INPP5K: variants seen among roughly 807,000 people sequenced by gnomAD.
The protein encoded by INPP5K is inositol polyphosphate 5-phosphatase K.
Under a neutral mutation model 53.5 loss-of-function variants are expected in INPP5K, and 35 were observed. The ratio of observed to expected loss-of-function variants is 0.65; its 90% CI spans 0.50 to 0.87. The LOEUF is 0.87. Ranked by LOEUF, INPP5K falls within the 40% of genes least tolerant of loss-of-function variation. The probability of loss-of-function intolerance (pLI) is 0.00; values close to 1 mark genes in which losing one functional copy is unlikely to be tolerated. For synonymous variants in INPP5K, 253 were observed against 232.8 expected, an observed-to-expected ratio of 1.09 and a Z score of -0.79; for missense variants, 550 against 586.2, an observed-to-expected ratio of 0.94 and a Z score of 0.64.
At chr17:1,515,838 G>T in intron 1 of INPP5K, 1 of 892,584 alleles carries the variant, frequency 1.1e-6, no homozygotes, top group Non-Finnish European at 1.3e-6. Context: ...TCCGACAGAG[G>T]CTTAAGGAAC....
At chr17:1,502,137 C>G (rs2075034855) in intron 7 of INPP5K, among the ~76,000 whole-genome samples, 1 of 151,906 alleles carries the variant, frequency 6.6e-6, no homozygotes, top group African/African-American at 2.4e-5. Context: ...ATCATGAGGT[C>G]AGGACATGGA....
chr17:1,504,788 C>T (rs1046693213), intron 7 of INPP5K, among the ~76,000 whole-genome samples: 2 of 152,218 alleles, frequency 1.3e-5, no homozygotes, highest in African/African-American at 4.8e-5. Context: ...AGGTGCGTGC[C>T]TCCTCCTTAG....
chr17:1,512,602 G>A (rs1043774985), intron 3 of INPP5K, among the ~76,000 whole-genome samples: 1 of 152,164 alleles, frequency 6.6e-6, no homozygotes, highest in African/African-American at 2.4e-5. Flanking sequence ...TGCTGTGAAT[G>A]GGAGTGTGTT....
At chr17:1,516,227 C>T in intron 1 of INPP5K, 2 of 892,136 alleles carry the variant, frequency 2.2e-6, no homozygotes, top group Non-Finnish European at 1.6e-6. Context: ...AGAAAGCAAC[C>T]GGGACACCTG....
intron 9 of INPP5K, 105 bp from the exon 10 acceptor site, chr17:1,496,507 T>C: frequency 1.5e-6 from 2 of 1,317,388 alleles, no homozygotes; most frequent in Non-Finnish European, 2.1e-6. Context: ...CCGTACTGTG[T>C]GCCTCCCCGC....
chr17:1,502,288 G>A (rs1221630906), intron 7 of INPP5K, among the ~76,000 whole-genome samples: 1 of 152,188 alleles, frequency 6.6e-6, no homozygotes, highest in Non-Finnish European at 1.5e-5. Flanking sequence ...GACAGAGCTT[G>A]TAGTGAGTGG....
At chr17:1,515,731 C>T in intron 1 of INPP5K, 1 of 613,284 alleles carries the variant, frequency 1.6e-6, no homozygotes, top group Non-Finnish European at 2.0e-6. Context: ...ACTTCCTGTC[C>T]CTCCCTGTTA....
At chr17:1,497,837 T>C (rs1184567755) in intron 8 of INPP5K, 99 bp downstream of exon 8, 5 of 1,120,232 alleles carry the variant, frequency 4.5e-6, no homozygotes, top group Non-Finnish European at 6.6e-6. Flanking sequence ...AGGTCTCCCC[T>C]GGGGGACTGG....
chr17:1,499,188 A>G (rs954669305), intron 7 of INPP5K, among the ~76,000 whole-genome samples: 1 of 152,224 alleles, frequency 6.6e-6, no homozygotes, highest in African/African-American at 2.4e-5. Context: ...CGAGCTCGCC[A>G]TGCACACTGG....
Position 1,508,060 on chromosome 17 carries a change from A to G in INPP5K, c.666+55T>C, listed in dbSNP as rs536504602. 35 of 1,222,536 alleles carry G rather than the reference A, an allele frequency of 2.9e-5. 1 individual carries two copies. In the East Asian group the frequency reaches 7.7e-4, roughly 27 times the overall value. The allele number at this position is 1,222,536 out of a possible 1,614,324, so 75.7% of individuals were successfully genotyped here. On this transcript the variant is annotated intron_variant, in intron 6 of 11. Transcript: ENST00000421807. ...TCTAGCAACACTCTGCACAGCTCAC[A>G]TGGCCCCCACCGTGGGCTCAGATCA...
At position 1,509,316 on chromosome 17, in the gene INPP5K, T is replaced by C. The variant is rs1174400863; in HGVS notation, c.416A>G (p.Tyr139Cys). 3.1e-6 allele frequency: 5 copies of C among 1,614,082 alleles called. No homozygotes were observed. The highest frequency in any genetic ancestry group is 4.2e-6 in the Non-Finnish European group (5 of 1,179,990). The change falls in exon 5 of 12, where the codon TAT (tyrosine) becomes TGT (cysteine). Residue 139 changes from tyrosine (Y) to cysteine (C), a missense_variant. Transcript: ENST00000421807. Reference sequence around the variant, plus strand: ...GTTGATGATGCTGACATAGTAGCCATAAAGCTTCAGGCAGATGTTGACTCC... The same window carrying C: ...GTTGATGATGCTGACATAGTAGCCACAAAGCTTCAGGCAGATGTTGACTCC... ...KGGVNICLKL[Y>C]GYYVSIINCH...
At chr17:1,498,168 AG>A (rs2074912467) in intron 7 of INPP5K, 46 bp from the exon 8 acceptor site, 1 of 1,517,070 alleles carries the variant, frequency 6.6e-7, no homozygotes. Flanking sequence ...GAAAGAAGAA[AG>A]GGTTGGCTAA....
At position 1,496,462 on chromosome 17, in the gene INPP5K, TAAGG is replaced by T; in HGVS notation, c.1102-64_1102-61del. 3 of 1,436,770 alleles carry T rather than the reference TAAGG, an allele frequency of 2.1e-6. No homozygotes were observed. In the South Asian group the frequency reaches 3.7e-5, roughly 18 times the overall value. 89.0% of individuals were successfully genotyped at this position (1,436,770 alleles called of 1,614,324 possible). On this transcript the variant is annotated intron_variant, in intron 9 of 11. Transcript: ENST00000421807. ...AGGACATGGGACCTAAGGCAAGTCCTAAGGAAGAGATGGTCTCCCTGCTGGGCCT... is the reference window on the plus strand; with the variant it reads ...AGGACATGGGACCTAAGGCAAGTCCTAAGAGATGGTCTCCCTGCTGGGCCT...
intron 3 of INPP5K, among the ~76,000 whole-genome samples, chr17:1,512,019 C>T (rs1668194164): frequency 6.6e-6 from 1 of 152,082 alleles, no homozygotes; most frequent in African/African-American, 2.4e-5. Context: ...GGCTGGGGGC[C>T]CTGGAGCAGT....
At position 1,496,821 on chromosome 17, in the gene INPP5K, A is replaced by G. The variant is rs754915918; in HGVS notation, c.964-18T>C. ...GGCTTCAGCTAGACACGGGGGTGGG[A>G]AGGGGGCTGAATCTCGCAGCATCAT... is the stretch of plus-strand genomic sequence containing the variant. On this transcript the variant is annotated intron_variant, in intron 8 of 11. Coordinates refer to ENST00000421807, the MANE Select transcript of INPP5K (RefSeq NM_016532.4). 6.2e-7 allele frequency: 1 copy of G among 1,612,554 alleles called. No homozygotes were observed. The highest frequency in any genetic ancestry group is 1.1e-5 in the South Asian group (1 of 90,850).
intron 3 of INPP5K, among the ~76,000 whole-genome samples, chr17:1,512,587 C>T (rs2075334353): frequency 6.6e-6 from 1 of 152,160 alleles, no homozygotes; most frequent in Admixed American, 6.6e-5. Flanking sequence ...CAGCTGTATA[C>T]CAGGTGCTGT....
At chr17:1,513,245 C>A (rs933054170) in intron 3 of INPP5K, among the ~76,000 whole-genome samples, 3 of 152,158 alleles carry the variant, frequency 2.0e-5, no homozygotes, top group African/African-American at 4.8e-5. Context: ...GGTGTTAACC[C>A]AACCCCTGGA....
At chr17:1,509,981 C>CA (rs2075269103) in intron 3 of INPP5K, among the ~76,000 whole-genome samples, 182 bp from the exon 4 acceptor site, 1 of 152,196 alleles carries the variant, frequency 6.6e-6, no homozygotes, top group Non-Finnish European at 1.5e-5. Context: ...TCTCAGCTGC[C>CA]AAATGATACA....
At position 1,497,929 on chromosome 17, in the gene INPP5K, A is replaced by G; in HGVS notation, c.963+7T>C. On this transcript the variant is annotated splice_region_variant and intron_variant, in intron 8 of 11. Coordinates refer to ENST00000421807, the MANE Select transcript of INPP5K (RefSeq NM_016532.4). ...TCTGGCAAGTATCAGGCAGCCCAGAAGTTCACCTCCAAGTCGAACGTGCCG... is the reference window on the plus strand; with the variant it reads ...TCTGGCAAGTATCAGGCAGCCCAGAGGTTCACCTCCAAGTCGAACGTGCCG... 6.2e-7 allele frequency: 1 copy of G among 1,609,976 alleles called. No homozygotes were observed.
Sources: allele counts gnomAD v4.1 joint callset (sites outside exome capture counted in the v4.1 genomes callset), GRCh38; gene constraint gnomAD v4.1.1; transcripts MANE v1.5; gene names NCBI Gene and HGNC (gene_info 2026-07-23, HGNC 2026-07-21).